Variants in WDR7 observed in about 807,000 individuals in gnomAD.
The protein encoded by WDR7 is WD repeat domain 7.
A neutral mutation model predicts 169.4 loss-of-function variants in WDR7; 46 were observed. That is an observed-to-expected ratio of 0.27 (90% CI 0.21 to 0.35). The LOEUF is 0.35. Among genes scored for constraint, WDR7 ranks in the 10% least tolerant of loss-of-function variants. WDR7 has a pLI of 1.00. For missense variants in WDR7, 1,534 were observed against 1,859.3 expected, an observed-to-expected ratio of 0.83 and a Z score of 3.22; for synonymous variants, 612 against 666.8, an observed-to-expected ratio of 0.92 and a Z score of 1.27.
Position 56,938,802 on chromosome 18 carries a change from A to G in WDR7, c.3981+120A>G, listed in dbSNP as rs1459825591. 6.0e-6 allele frequency: 6 copies of G among 1,003,046 alleles called. No homozygotes were observed. The East Asian group carries it at 1.7e-4, about 28-fold the overall frequency. 62.1% of individuals were successfully genotyped at this position (1,003,046 alleles called of 1,614,324 possible). A position where few individuals can be genotyped will look rare whatever the true frequency, so the allele number is the denominator to read the frequency against. On this transcript the variant is annotated intron_variant, in intron 24 of 27. Transcript: ENST00000254442. ...AAAAGAGATGAAGGGTGAGAGAGAA[A>G]GAATGAGTGTGTGTGTGTGTGTGTG...
intron 21 of WDR7, among the ~76,000 whole-genome samples, chr18:56,883,859 G>C (rs1485344049): frequency 6.6e-6 from 1 of 152,130 alleles, no homozygotes; most frequent in Non-Finnish European, 1.5e-5. Flanking sequence ...TTTTATGGCT[G>C]AGTAGTACTC....
chr18:56,974,362 C>CTTTTTTT (rs34901751), intron 26 of WDR7, among the ~76,000 whole-genome samples: 13 of 111,798 alleles, frequency 1.2e-4, no homozygotes, highest in African/African-American at 2.8e-4. Flanking sequence ...GCTTTTCTTG[C>CTTTTTTT]TTTTTTTTTT....
chr18:56,837,990 G>A (rs1014457162), intron 20 of WDR7, among the ~76,000 whole-genome samples: 1 of 152,150 alleles, frequency 6.6e-6, no homozygotes, highest in Non-Finnish European at 1.5e-5. Flanking sequence ...GTACATATCA[G>A]TATAAAATGA....
chr18:56,937,667 TC>T (rs758253199), intron 23 of WDR7, among the ~76,000 whole-genome samples: 9 of 152,298 alleles, frequency 5.9e-5, no homozygotes, highest in African/African-American at 9.6e-5. Context: ...ATATGGATTT[TC>T]CAACTTAATT....
At chr18:56,937,283 T>C (rs1198646683) in intron 23 of WDR7, among the ~76,000 whole-genome samples, 1 of 152,126 alleles carries the variant, frequency 6.6e-6, no homozygotes, top group Non-Finnish European at 1.5e-5. Flanking sequence ...TCCTAGCTGT[T>C]TGGGAGGCTG....
chr18:56,953,987 G>A (rs1381752069), intron 25 of WDR7, among the ~76,000 whole-genome samples: 2 of 152,142 alleles, frequency 1.3e-5, no homozygotes, highest in African/African-American at 2.4e-5. Context: ...AAATTCTCAA[G>A]CACTATGTGC....
In WDR7 at chr18:56,756,565, T is replaced by G; in HGVS notation, c.1990-18T>G. 1 of 1,534,044 alleles carries G rather than the reference T, an allele frequency of 6.5e-7. No individual in the cohort carries two copies. Among genetic ancestry groups the G allele is most frequent in the Non-Finnish European group, 8.8e-7 (1 of 1,142,102 alleles). ...AGCACTTTTAATTATAACTATCTTT[T>G]AAAAATATTTATTACAGGGAAATTT... On this transcript the variant is annotated intron_variant, in intron 14 of 27. Transcript: ENST00000254442.
At position 56,880,150 on chromosome 18, in the gene WDR7, C is replaced by T; in HGVS notation, c.3511C>T (p.Leu1171=). 1 of 1,613,850 alleles carries T rather than the reference C, an allele frequency of 6.2e-7. No individual in the cohort carries two copies. Among genetic ancestry groups the T allele is most frequent in the Non-Finnish European group, 8.5e-7 (1 of 1,179,886 alleles). Residue 1171 remains leucine, a synonymous_variant, in exon 21 of 28, where the codon CTG becomes TTG. Transcript: ENST00000254442. ...GACTAGTGGTGGATCCAACTACTCGCTGGCCAGACATACTTGTAAGTTTTA... is the reference window on the plus strand; with the variant it reads ...GACTAGTGGTGGATCCAACTACTCGTTGGCCAGACATACTTGTAAGTTTTA... ...GLTSGGSNYS[L]ARHTCKALTF...
chr18:56,684,003 A>T (rs1349223872), intron 5 of WDR7, among the ~76,000 whole-genome samples: 1 of 152,152 alleles, frequency 6.6e-6, no homozygotes, highest in African/African-American at 2.4e-5. Context: ...AGATGGAAAA[A>T]TAGTATGGAG....
intron 1 of WDR7, among the ~76,000 whole-genome samples, chr18:56,654,297 A>G (rs1165588564): frequency 2.0e-5 from 3 of 152,008 alleles, no homozygotes; most frequent in Non-Finnish European, 4.4e-5. Flanking sequence ...ACGCCCAGCT[A>G]ATTTTTGTAT....
In WDR7 at chr18:56,756,913, G is replaced by C; in HGVS notation, c.2320G>C (p.Glu774Gln). 2 of 1,614,094 alleles carry C rather than the reference G, an allele frequency of 1.2e-6. No homozygotes were observed. The highest frequency in any genetic ancestry group is 1.7e-6 in the Non-Finnish European group (2 of 1,179,998). ...TGAGGAGATAATGAGGCAGAGAAGGGAAGAAAGTGATCCTGAATATCGGTC... is the reference window on the plus strand; with the variant it reads ...TGAGGAGATAATGAGGCAGAGAAGGCAAGAAAGTGATCCTGAATATCGGTC... ...EDEEIMRQRR[E>Q]ESDPEYRSSK... Residue 774 changes from glutamate to glutamine, a missense_variant, in exon 15 of 28, where the codon GAA becomes CAA. Glu to Gln is a conservative substitution (Grantham distance 29). Transcript: ENST00000254442.
chr18:56,888,296 C>T (rs760899274), intron 21 of WDR7, among the ~76,000 whole-genome samples: 7 of 152,132 alleles, frequency 4.6e-5, no homozygotes, highest in East Asian at 3.8e-4. Flanking sequence ...ATGTCAAAGA[C>T]GAAGCTGAAG....
chr18:56,759,045 T>C, intron 16 of WDR7, 92 bp downstream of exon 16: 1 of 990,598 alleles, frequency 1.0e-6, no homozygotes, highest in East Asian at 2.9e-5. Context: ...TATTTGTTTG[T>C]CTTGGATTGT....
intron 12 of WDR7, among the ~76,000 whole-genome samples, chr18:56,704,465 G>T (rs575433460): frequency 6.6e-6 from 1 of 152,148 alleles, no homozygotes; most frequent in South Asian, 2.1e-4. Context: ...CTTGAGCCCT[G>T]GAGTTCAAGG....
chr18:56,871,463 T>G (rs1329899839), intron 20 of WDR7, among the ~76,000 whole-genome samples: 8 of 152,190 alleles, frequency 5.3e-5, no homozygotes, highest in Non-Finnish European at 1.2e-4. Context: ...CGGTTATTTT[T>G]AAAACTATGT....
At chr18:56,980,999 G>T (rs2047636926) in intron 26 of WDR7, among the ~76,000 whole-genome samples, 1 of 152,204 alleles carries the variant, frequency 6.6e-6, no homozygotes, top group Admixed American at 6.5e-5. Context: ...TTGCTGCTGT[G>T]TGGGGAATGG....
intron 25 of WDR7, among the ~76,000 whole-genome samples, chr18:56,942,592 C>T (rs9960299): frequency 0.12 from 18,072 of 150,550 alleles, 3,482 homozygotes; most frequent in African/African-American, 0.41. Flanking sequence ...CAGTGTTTAA[C>T]ATTGGAAGTG....
intron 25 of WDR7, among the ~76,000 whole-genome samples, chr18:56,950,881 A>G (rs551552074): frequency 3.9e-5 from 6 of 152,298 alleles, no homozygotes; most frequent in Non-Finnish European, 5.9e-5. Flanking sequence ...AAATCTGCCT[A>G]TTGTTTTGAG....
At chr18:56,970,739 T>C (rs887797864) in intron 26 of WDR7, among the ~76,000 whole-genome samples, 2 of 152,210 alleles carry the variant, frequency 1.3e-5, no homozygotes, top group Non-Finnish European at 2.9e-5. Flanking sequence ...TGGGCAAATA[T>C]ATAATGACGT....
Sources: allele counts gnomAD v4.1 joint callset (sites outside exome capture counted in the v4.1 genomes callset), GRCh38; gene constraint gnomAD v4.1.1; transcripts MANE v1.5; gene names NCBI Gene and HGNC (gene_info 2026-07-23, HGNC 2026-07-21).